VPS13B: variants seen among roughly 807,000 people sequenced by gnomAD.
The protein encoded by VPS13B is intermembrane lipid transfer protein VPS13B.
In VPS13B, 285 loss-of-function variants were observed where a neutral mutation model predicts 426.4. The observed-to-expected ratio is 0.67, with a 90% confidence interval of 0.61 to 0.74. The LOEUF (loss-of-function observed/expected upper bound fraction) is 0.74. Among genes scored for constraint, VPS13B ranks in the 30% least tolerant of loss-of-function variants. The probability of loss-of-function intolerance (pLI) is 0.00; values close to 1 mark genes in which losing one functional copy is unlikely to be tolerated. For missense variants in VPS13B, 4,537 were observed against 4,782.6 expected, an observed-to-expected ratio of 0.95 and a Z score of 1.51; for synonymous variants, 1,676 against 1,676.4, an observed-to-expected ratio of 1.00 and a Z score of 0.01.
intron 14 of VPS13B, among the ~76,000 whole-genome samples, chr8:99,152,803 C>T (rs1262568075): frequency 6.6e-6 from 1 of 152,072 alleles, no homozygotes; most frequent in Non-Finnish European, 1.5e-5. Flanking sequence ...TTAATATAGC[C>T]ACTCCTACTT....
chr8:99,691,578 C>A (rs1368360217), intron 35 of VPS13B, among the ~76,000 whole-genome samples: 5 of 151,830 alleles, frequency 3.3e-5, no homozygotes, highest in Non-Finnish European at 7.4e-5. Flanking sequence ...GTGTCAGCCG[C>A]TGCAAAATCA....
chr8:99,067,990 C>T (rs867636771), intron 3 of VPS13B, among the ~76,000 whole-genome samples: 1 of 152,030 alleles, frequency 6.6e-6, no homozygotes, highest in Non-Finnish European at 1.5e-5. Context: ...GGCTAGATTT[C>T]GCCTTTTACT....
At chr8:99,791,004 A>C (rs573434013) in intron 43 of VPS13B, among the ~76,000 whole-genome samples, 1 of 152,332 alleles carries the variant, frequency 6.6e-6, no homozygotes, top group African/African-American at 2.4e-5. Context: ...GTGATAATCT[A>C]CGTACCCAGA....
intron 5 of VPS13B, among the ~76,000 whole-genome samples, chr8:99,108,803 T>A (rs750597957): frequency 3.3e-5 from 5 of 152,160 alleles, no homozygotes; most frequent in Non-Finnish European, 7.4e-5. Flanking sequence ...TTTTTTCTTA[T>A]GTCTGTGAAA....
chr8:99,345,070 T>C (rs1811465375), intron 19 of VPS13B, among the ~76,000 whole-genome samples: 1 of 152,212 alleles, frequency 6.6e-6, no homozygotes, highest in East Asian at 1.9e-4. Context: ...TTTCCTTGTA[T>C]GGATAGCTAG....
chr8:99,604,184 A>G (rs1434857463), intron 33 of VPS13B, among the ~76,000 whole-genome samples: 1 of 152,170 alleles, frequency 6.6e-6, no homozygotes, highest in African/African-American at 2.4e-5. Context: ...AAAATTTTTA[A>G]TATTAGAATG....
rs373861021 is a variant in VPS13B at position 99,101,039 on chromosome 8, T to C, written c.413-1914T>C. ...AGCCTGGACGATAGAGAGAGACTAG[T>C]CTCAAAAAAAAAAAAAGTTCCCTGT... On this transcript the variant is annotated intron_variant, in intron 4 of 61. Transcript: ENST00000357162. 6.7e-5 allele frequency among the ~76,000 whole-genome samples: 10 copies of C among 149,778 alleles called. No homozygotes were observed. In the East Asian group the frequency reaches 1.8e-3, roughly 26 times the overall value.
At chr8:99,655,069 G>GT (rs1295849750) in intron 34 of VPS13B, among the ~76,000 whole-genome samples, 3 of 152,128 alleles carry the variant, frequency 2.0e-5, no homozygotes, top group African/African-American at 7.2e-5. Flanking sequence ...TTATTTTGAA[G>GT]TCTCATTTCA....
At chr8:99,828,392 CCGTT>C (rs1814823362) in intron 51 of VPS13B, among the ~76,000 whole-genome samples, 34 of 47,650 alleles carry the variant, frequency 7.1e-4, no homozygotes, top group East Asian at 2.9e-3. Context: ...ATTACAACCA[CCGTT>C]TTTTTTTTTT....
At chr8:99,369,373 A>G (rs1281751379) in intron 19 of VPS13B, among the ~76,000 whole-genome samples, 2 of 152,260 alleles carry the variant, frequency 1.3e-5, no homozygotes, top group Admixed American at 6.5e-5. Flanking sequence ...AGACCAATTT[A>G]TGACACCTGG....
intron 17 of VPS13B, among the ~76,000 whole-genome samples, chr8:99,252,991 C>A (rs887772810): frequency 6.6e-6 from 1 of 152,054 alleles, no homozygotes; most frequent in African/African-American, 2.4e-5. Flanking sequence ...AATCATTCCC[C>A]ATTCCTATTT....
intron 19 of VPS13B, among the ~76,000 whole-genome samples, chr8:99,373,442 G>C (rs1813304282): frequency 6.6e-6 from 1 of 152,060 alleles, no homozygotes; most frequent in African/African-American, 2.4e-5. Flanking sequence ...GACAACTTTG[G>C]AACATCTTAA....
chr8:99,408,556 G>C (rs1815454230), intron 21 of VPS13B, among the ~76,000 whole-genome samples: 1 of 152,144 alleles, frequency 6.6e-6, no homozygotes. Flanking sequence ...TTGAGAAAGA[G>C]ACTCAAGAGT....
chr8:99,819,260 G>A (rs1418731920), intron 47 of VPS13B, 152 bp from the exon 48 acceptor site: 2 of 888,166 alleles, frequency 2.3e-6, no homozygotes, highest in East Asian at 2.6e-5. Flanking sequence ...AAAAGCCAGG[G>A]CCCAGATCAT....
intron 21 of VPS13B, among the ~76,000 whole-genome samples, chr8:99,393,634 A>G (rs527728709): frequency 1.3e-5 from 2 of 152,264 alleles, no homozygotes; most frequent in Admixed American, 1.3e-4. Context: ...ATAAAAATTA[A>G]TAGGCATCCA....
At chr8:99,742,496 A>G (rs1809796537) in intron 39 of VPS13B, among the ~76,000 whole-genome samples, 1 of 152,230 alleles carries the variant, frequency 6.6e-6, no homozygotes, top group South Asian at 2.1e-4. Context: ...TCATCCTGAT[A>G]CCAAAGCCTG....
intron 30 of VPS13B, among the ~76,000 whole-genome samples, chr8:99,523,276 G>A (rs1037272062): frequency 5.9e-5 from 9 of 152,176 alleles, no homozygotes; most frequent in Non-Finnish European, 1.3e-4. Flanking sequence ...GATGCATTTG[G>A]GAGCCGGGGA....
chr8:99,670,471 A>G (rs1207819260), intron 35 of VPS13B, among the ~76,000 whole-genome samples: 1 of 152,082 alleles, frequency 6.6e-6, no homozygotes, highest in Non-Finnish European at 1.5e-5. Flanking sequence ...CATAGTTACA[A>G]CTTTTTATTT....
At chr8:99,106,784 A>G (rs1159666846) in intron 5 of VPS13B, among the ~76,000 whole-genome samples, 1 of 152,204 alleles carries the variant, frequency 6.6e-6, no homozygotes, top group African/African-American at 2.4e-5. Flanking sequence ...TTCTGCGTGT[A>G]TATATCTATT....
Sources: allele counts gnomAD v4.1 joint callset (sites outside exome capture counted in the v4.1 genomes callset), GRCh38; gene constraint gnomAD v4.1.1; transcripts MANE v1.5; gene names NCBI Gene and HGNC (gene_info 2026-07-23, HGNC 2026-07-21).